Variants in NRTN observed in about 807,000 individuals in gnomAD.
NRTN encodes the protein prepro-neurturin.
In NRTN, 3 loss-of-function variants were observed where a neutral mutation model predicts 7.5. The ratio of observed to expected loss-of-function variants is 0.40; its 90% CI spans 0.18 to 1.03. The LOEUF is 1.03. NRTN is among the 50% of genes least tolerant of loss of function. The pLI, the probability that NRTN is intolerant of heterozygous loss-of-function variation, is 0.34. For missense variants in NRTN, 310 were observed against 307.0 expected, an observed-to-expected ratio of 1.01 and a Z score of -0.07; for synonymous variants, 157 against 146.6, an observed-to-expected ratio of 1.07 and a Z score of -0.51.
At position 5,828,131 on chromosome 19, in the gene NRTN, C is replaced by G; in HGVS notation, c.552C>G (p.His184Gln). ...TCCTGGACGCGCACAGCCGCTACCA[C>G]ACGGTGCACGAGCTGTCGGCGCGCG... ...VSFLDAHSRY[H>Q]TVHELSAREC... Residue 184 changes from histidine to glutamine, a missense_variant, in exon 3 of 3, where the codon CAC (histidine) becomes CAG (glutamine). Coordinates refer to ENST00000303212, the MANE Select transcript of NRTN (RefSeq NM_004558.5). 6.6e-7 allele frequency: 1 copy of G among 1,514,762 alleles called. No homozygotes were observed. Among genetic ancestry groups the G allele is most frequent in the Non-Finnish European group, 8.8e-7 (1 of 1,138,936 alleles). The allele number at this position is 1,514,762 out of a possible 1,614,324, so 93.8% of individuals were successfully genotyped here.
intron 1 of NRTN, among the ~76,000 whole-genome samples, chr19:5,814,660 T>A (rs2056999690): frequency 6.6e-6 from 1 of 152,176 alleles, no homozygotes; most frequent in Non-Finnish European, 1.5e-5. Context: ...CACACACCCT[T>A]GCGCTGGCTG....
Position 5,805,120 on chromosome 19 carries a change from C to T in NRTN, c.-730C>T, listed in dbSNP as rs1193055206. Among the ~76,000 whole-genome samples, 2 of 146,652 alleles carry T rather than the reference C, an allele frequency of 1.4e-5. No homozygotes were observed. Among genetic ancestry groups the T allele is most frequent in the African/African-American group, 4.9e-5 (2 of 40,826 alleles). ...CCGCTCCGAGTGCCCAGGTCCCTCT[C>T]GCCGCCGCCCCGGAGCCCCGTGCTG... is the stretch of plus-strand genomic sequence containing the variant. On this transcript the variant is annotated 5_prime_UTR_variant, in exon 1 of 3. Transcript: ENST00000303212.
intron 2 of NRTN, 118 bp from the exon 3 acceptor site, chr19:5,827,631 G>T: frequency 2.7e-6 from 1 of 370,064 alleles, no homozygotes; most frequent in Non-Finnish European, 4.0e-6. Flanking sequence ...ACGAGAAGCC[G>T]TCTAGGCCTG....
chr19:5,827,981 C>T lies in NRTN; in HGVS notation c.402C>T (p.Cys134=), dbSNP rs1311972194. Residue 134 remains cysteine, a synonymous_variant, in exon 3 of 3, where the codon TGC becomes TGT. Transcript: ENST00000303212. The part of the protein sequence containing the change: ...TVLFRYCAGA[C]EAAARVYDLG... ...TGTTCCGCTACTGCGCAGGCGCCTG[C>T]GAGGCTGCCGCGCGCGTCTACGACC... is the stretch of plus-strand genomic sequence containing the variant. 3.4e-6 allele frequency: 5 copies of T among 1,464,972 alleles called. No individual in the cohort carries two copies. The highest frequency in any genetic ancestry group is 1.5e-5 in the African/African-American group (1 of 68,640). The allele number at this position is 1,464,972 out of a possible 1,614,324, so 90.7% of individuals were successfully genotyped here.
chr19:5,828,193 C>T lies in NRTN; in HGVS notation c.*20C>T. On this transcript the variant is annotated 3_prime_UTR_variant, in exon 3 of 3. Transcript: ENST00000303212. The stretch of plus-strand genomic sequence containing the variant: ...GTGTGACCCTACCTCACTCGGCCGG[C>T]GCGGCGGCCACTCCCCCCGCCTCGA... The T allele has an allele frequency of 2.6e-6, 4 of 1,528,388 alleles. No homozygotes were observed. Among genetic ancestry groups the T allele is most frequent in the Non-Finnish European group, 3.5e-6 (4 of 1,143,494 alleles). The allele number at this position is 1,528,388 out of a possible 1,614,324, so 94.7% of individuals were successfully genotyped here.
At position 5,810,671 on chromosome 19, in the gene NRTN, T is replaced by C. The variant is rs957375432; in HGVS notation, c.-399+5220T>C. 4.1e-4 allele frequency among the ~76,000 whole-genome samples: 62 copies of C among 152,038 alleles called. 1 individual carries two copies. The highest frequency in any genetic ancestry group is 1.2e-3 in the East Asian group (6 of 5,160). On this transcript the variant is annotated intron_variant, in intron 1 of 2. Transcript: ENST00000303212. ...GGTTACAGCCGGGCGCAGTGGCTCG[T>C]GCCTGTAATCCCAGCACTTTGGGAG...
intron 1 of NRTN, among the ~76,000 whole-genome samples, chr19:5,823,279 T>C (rs2057032613): frequency 6.6e-6 from 1 of 151,626 alleles, no homozygotes; most frequent in Admixed American, 6.6e-5. Flanking sequence ...TAGCCAGTCA[T>C]GCTGGCAGGT....
chr19:5,809,173 T>G lies in NRTN; in HGVS notation c.-399+3722T>G, dbSNP rs559241668. Among the ~76,000 whole-genome samples the G allele has an allele frequency of 3.6e-3, 542 of 150,862 alleles. 2 individuals carry two copies. The highest frequency in any genetic ancestry group is 6.8e-3 in the Middle Eastern group (2 of 292). On this transcript the variant is annotated intron_variant, in intron 1 of 2. Coordinates refer to ENST00000303212, the MANE Select transcript of NRTN (RefSeq NM_004558.5). Reference sequence around the variant, plus strand: ...AGTCACTATGGCTTCATCCTGAGTTTTTTTTTTTTTTTTTTCTGAGACGGT... The same window carrying G: ...AGTCACTATGGCTTCATCCTGAGTTGTTTTTTTTTTTTTTTCTGAGACGGT...
At chr19:5,810,092 C>A (rs1285502634) in intron 1 of NRTN, among the ~76,000 whole-genome samples, 1 of 151,604 alleles carries the variant, frequency 6.6e-6, no homozygotes, top group Admixed American at 6.6e-5. Context: ...GGCGAAACCC[C>A]GTCTCTACTA....
Position 5,828,273 on chromosome 19 carries a change from C to T in NRTN, c.*100C>T. On this transcript the variant is annotated 3_prime_UTR_variant, in exon 3 of 3. Coordinates refer to ENST00000303212, the MANE Select transcript of NRTN (RefSeq NM_004558.5). ...TGCGCGTGCGTAGAGCACGCCGGCG[C>T]GGCCCCGGGACTCTCGCGATAACTG... The T allele has an allele frequency of 1.5e-6, 2 of 1,332,456 alleles. No homozygotes were observed. The highest frequency in any genetic ancestry group is 1.5e-5 in the African/African-American group (1 of 67,354). The allele number at this position is 1,332,456 out of a possible 1,614,324, so 82.5% of individuals were successfully genotyped here.
chr19:5,821,621 GTTCATTCA>G (rs3834829), intron 1 of NRTN, among the ~76,000 whole-genome samples: 1 of 146,322 alleles, frequency 6.8e-6, no homozygotes, highest in Non-Finnish European at 1.5e-5. Context: ...GCTTCTTTGT[GTTCATTCA>G]TTCATTCATT....
chr19:5,813,008 G>C (rs141556548), intron 1 of NRTN, among the ~76,000 whole-genome samples: 1 of 152,162 alleles, frequency 6.6e-6, no homozygotes, highest in Non-Finnish European at 1.5e-5. Context: ...AAGAGCACAA[G>C]AGCCACTTGG....
chr19:5,814,564 G>C (rs1032593861), intron 1 of NRTN, among the ~76,000 whole-genome samples: 14 of 152,200 alleles, frequency 9.2e-5, no homozygotes, highest in African/African-American at 3.4e-4. Context: ...AGTTCGGTGG[G>C]AAGGGGAGTG....
At chr19:5,818,973 G>A (rs894206854) in intron 1 of NRTN, among the ~76,000 whole-genome samples, 26 of 152,290 alleles carry the variant, frequency 1.7e-4, no homozygotes, top group African/African-American at 6.3e-4. Flanking sequence ...ACCAGGCCAT[G>A]CTGGGGCTAG....
intron 1 of NRTN, among the ~76,000 whole-genome samples, chr19:5,815,703 T>C (rs1271914954): frequency 6.6e-6 from 1 of 151,148 alleles, no homozygotes; most frequent in Non-Finnish European, 1.5e-5. Flanking sequence ...TCCAAAGTGC[T>C]GGGATTACAG....
rs200479469 is a variant in NRTN at position 5,827,745 on chromosome 19, G to A, written c.170-4G>A. On this transcript the variant is annotated splice_region_variant and splice_polypyrimidine_tract_variant and intron_variant, in intron 2 of 2. Coordinates refer to ENST00000303212, the MANE Select transcript of NRTN (RefSeq NM_004558.5). The stretch of plus-strand genomic sequence containing the variant: ...CCCCCTCCTTTCTCTTCCTCCCCTC[G>A]CAGACCGTGCACTCCTGCAGGGGGC... 1 of 1,175,152 alleles carries A rather than the reference G, an allele frequency of 8.5e-7. No homozygotes were observed. 72.8% of individuals were successfully genotyped at this position (1,175,152 alleles called of 1,614,324 possible).
At chr19:5,821,457 C>G (rs144220740) in intron 1 of NRTN, among the ~76,000 whole-genome samples, 1 of 151,906 alleles carries the variant, frequency 6.6e-6, no homozygotes, top group Non-Finnish European at 1.5e-5. Flanking sequence ...GGTGTGCCAC[C>G]ACGCCCGGCT....
intron 2 of NRTN, among the ~76,000 whole-genome samples, chr19:5,826,069 A>G (rs1238905394): frequency 6.6e-6 from 1 of 151,608 alleles, no homozygotes; most frequent in East Asian, 1.9e-4. Flanking sequence ...CGGGAGGCGG[A>G]GCTTGCAGTG....
chr19:5,807,716 G>C (rs1220780398), intron 1 of NRTN, among the ~76,000 whole-genome samples: 1 of 152,272 alleles, frequency 6.6e-6, no homozygotes, highest in East Asian at 1.9e-4. Flanking sequence ...CTAAGGCCCA[G>C]AGAGAGGGCA....
Sources: gnomAD v4.1 joint callset for allele counts (sites outside exome capture counted in the v4.1 genomes callset) on GRCh38, gnomAD v4.1.1 for gene constraint, MANE v1.5 for transcripts, NCBI Gene and HGNC (gene_info 2026-07-23, HGNC 2026-07-21) for gene names.